Variants in UNC80 observed in about 807,000 individuals in gnomAD.
The protein encoded by UNC80 is unc-80 subunit of NALCN channel complex.
In UNC80, 164 loss-of-function variants were observed where a neutral mutation model predicts 384.6. The observed-to-expected ratio is 0.43, with a 90% CI of 0.38 to 0.49. The LOEUF is 0.49. UNC80 is among the 20% of genes least tolerant of loss of function. UNC80 has a pLI of 0.00. For synonymous variants in UNC80, 1,486 were observed against 1,527.8 expected (o/e 0.97, Z 0.64); for missense variants, 3,330 against 4,143.0 (o/e 0.80, Z 5.39).
At chr2:209,879,110 C>T (rs770215854) in intron 24 of UNC80, among the ~76,000 whole-genome samples, 23 of 151,766 alleles carry the variant, frequency 1.5e-4, no homozygotes, top group Non-Finnish European at 2.8e-4. Flanking sequence ...ATCTTCTTGA[C>T]GTAGCCATTG....
chr2:209,995,149 C>G (rs963511393), intron 64 of UNC80, among the ~76,000 whole-genome samples, 180 bp from the exon 65 acceptor site: 2 of 152,164 alleles, frequency 1.3e-5, no homozygotes, highest in Non-Finnish European at 1.5e-5. Context: ...GTTACATGTT[C>G]AAAAACTGAG....
At chr2:209,910,358 T>C (rs1015235009) in intron 29 of UNC80, among the ~76,000 whole-genome samples, 6 of 151,932 alleles carry the variant, frequency 3.9e-5, no homozygotes, top group East Asian at 2.0e-4. Flanking sequence ...AGAGGGACTT[T>C]AAGACCTTTA....
chr2:209,774,178 A>G (rs2076737838), intron 2 of UNC80, among the ~76,000 whole-genome samples: 1 of 152,236 alleles, frequency 6.6e-6, no homozygotes, highest in Admixed American at 6.5e-5. Flanking sequence ...CCAACTGGAA[A>G]GTTAAACACA....
chr2:209,819,195 A>G lies in UNC80; in HGVS notation c.1896A>G (p.Leu632=). 1 of 1,552,038 alleles carries G rather than the reference A, an allele frequency of 6.4e-7. No individual in the cohort carries two copies. ...ACTCCTGCATAAACTACAGCTACCT[A>G]GAGGACACAGAACATATTGACGGGA... ...LTDSCINYSY[L]EDTEHIDGTN... The change falls in exon 12 of 65, where the codon CTA becomes CTG. Residue 632 remains leucine (L), a synonymous_variant. Coordinates refer to ENST00000673920, the MANE Select transcript of UNC80 (RefSeq NM_001371986.1).
intron 58 of UNC80, 29 bp from the exon 59 acceptor site, chr2:209,978,500 C>T (rs1280319159): frequency 2.5e-5 from 37 of 1,489,564 alleles, no homozygotes; most frequent in Non-Finnish European, 3.4e-5. Flanking sequence ...TCTCACCATG[C>T]ATTTCCTTTG....
At chr2:209,948,846 T>G (rs1346893048) in intron 47 of UNC80, among the ~76,000 whole-genome samples, 2 of 152,172 alleles carry the variant, frequency 1.3e-5, no homozygotes, top group Non-Finnish European at 2.9e-5. Flanking sequence ...TATTACTCAT[T>G]AAGAAATTAA....
intron 31 of UNC80, among the ~76,000 whole-genome samples, chr2:209,916,451 CT>C (rs1268075700): frequency 2.6e-5 from 4 of 152,000 alleles, no homozygotes; most frequent in Non-Finnish European, 5.9e-5. Flanking sequence ...TACAAGAAAA[CT>C]TTTTCAGTAG....
Position 209,816,402 on chromosome 2 carries a change from T to C in UNC80, c.1336-507T>C, listed in dbSNP as rs75308459. ...CTTCTTTGACTCTTCTTACGAACAG[T>C]GGCGCACATTTAAAGTTGGCTAACT... On this transcript the variant is annotated intron_variant, in intron 9 of 64. Transcript: ENST00000673920. 1.2e-3 allele frequency among the ~76,000 whole-genome samples: 176 copies of C among 152,308 alleles called. No individual in the cohort carries two copies. In the East Asian group the frequency reaches 0.015, roughly 13 times the overall value.
intron 29 of UNC80, among the ~76,000 whole-genome samples, chr2:209,905,351 G>A (rs1209735398): frequency 1.3e-5 from 2 of 152,114 alleles, no homozygotes; most frequent in African/African-American, 4.8e-5. Flanking sequence ...TTTACAGTGG[G>A]CATCCAGCTG....
chr2:209,892,505 A>T lies in UNC80; in HGVS notation c.4277-1658A>T, dbSNP rs1379178741. Among the ~76,000 whole-genome samples, 3 of 152,142 alleles carry T rather than the reference A, an allele frequency of 2.0e-5. No homozygotes were observed. The East Asian group carries it at 5.8e-4, about 29-fold the overall frequency. ...AACTGTAATTTTTCAGTGCTATAGG[A>T]TATCTCCAACTATCCTTTTTGGTGG... On this transcript the variant is annotated intron_variant, in intron 26 of 64. Transcript: ENST00000673920.
rs769490955 is a variant in UNC80 at position 209,982,272 on chromosome 2, G to A, written c.9212G>A (p.Ser3071Asn). ...GRRRFSSHVS[S>N]MSVPQAEVGM... ...AGGCGATTCTCCAGCCATGTCTCCA[G>A]CATGTCTGTACCTCAGGCTGAGGTG... Residue 3071 changes from serine (S) to asparagine (N), a missense_variant, in exon 60 of 65, where the codon AGC becomes AAC. Transcript: ENST00000673920. 7.1e-6 allele frequency: 11 copies of A among 1,551,544 alleles called. No individual in the cohort carries two copies. Among genetic ancestry groups the A allele is most frequent in the Non-Finnish European group, 4.4e-6 (5 of 1,146,982 alleles).
Position 209,978,626 on chromosome 2 carries a change from C to T in UNC80, c.9036C>T (p.Gly3012=), listed in dbSNP as rs764264009. The change falls in exon 59 of 65, where the codon GGC becomes GGT. Residue 3012 remains glycine (G), a synonymous_variant. Transcript: ENST00000673920. The stretch of plus-strand genomic sequence containing the variant: ...TGTCCCGCTCTAACACGGGCACGGG[C>T]ACTGTCTGGGAGCAGGACAGTGAGC... ...ATMSRSNTGT[G]TVWEQDSEPS... 1.5e-5 allele frequency: 23 copies of T among 1,551,472 alleles called. No homozygotes were observed. Among genetic ancestry groups the T allele is most frequent in the Non-Finnish European group, 1.8e-5 (21 of 1,146,910 alleles).
chr2:209,825,944 T>C lies in UNC80; in HGVS notation c.2369T>C (p.Leu790Pro). 2 of 1,550,894 alleles carry C rather than the reference T, an allele frequency of 1.3e-6. No individual in the cohort carries two copies. The highest frequency in any genetic ancestry group is 1.7e-6 in the Non-Finnish European group (2 of 1,146,460). ...STPVSNHRLA[L>P]TMLIKIVKSL... ...CCTGTAAGCAACCATAGGCTTGCTC[T>C]AACAATGCTCATCAAAATAGTGAAG... The change falls in exon 14 of 65, where the codon CTA becomes CCA. Residue 790 changes from leucine to proline, a missense_variant. This residue lies in a region of UNC80 where 937 missense variants were observed against 1,026.8 expected (regional missense o/e 0.91). Coordinates refer to ENST00000673920, the MANE Select transcript of UNC80 (RefSeq NM_001371986.1).
chr2:209,778,007 A>G (rs2076960202), intron 4 of UNC80, among the ~76,000 whole-genome samples: 1 of 152,146 alleles, frequency 6.6e-6, no homozygotes, highest in African/African-American at 2.4e-5. Context: ...CTTTAATATC[A>G]TATTTAACAT....
chr2:209,891,151 T>A (rs563673174), intron 26 of UNC80, among the ~76,000 whole-genome samples: 2 of 152,290 alleles, frequency 1.3e-5, no homozygotes, highest in East Asian at 3.8e-4. Context: ...ACACACAATA[T>A]TTAAAAGGGA....
intron 14 of UNC80, 87 bp from the exon 15 acceptor site, chr2:209,829,145 C>A: frequency 6.7e-7 from 1 of 1,481,548 alleles, no homozygotes; most frequent in Non-Finnish European, 9.1e-7. Flanking sequence ...GAAACCCTTG[C>A]CTTCTGAAGG....
At chr2:209,788,168 G>C (rs1156580703) in intron 5 of UNC80, among the ~76,000 whole-genome samples, 6 of 152,168 alleles carry the variant, frequency 3.9e-5, no homozygotes, top group African/African-American at 1.4e-4. Flanking sequence ...TGTAATCCCA[G>C]CATTTTGGGA....
chr2:209,972,287 C>T lies in UNC80; in HGVS notation c.8343C>T (p.Leu2781=), dbSNP rs563369707. ...GGGAGGGGATGCTTTTAAATCTGCT[C>T]ATCCCATTTGTGCTCACAGTAGGAT... is the stretch of plus-strand genomic sequence containing the variant. ...ERREGMLLNL[L]IPFVLTVGSG... is the part of the protein sequence containing the mutation. Residue 2781 remains leucine (L), a synonymous_variant, in exon 55 of 65, where the codon CTC becomes CTT. Transcript: ENST00000673920. 5.0e-5 allele frequency: 77 copies of T among 1,551,798 alleles called. No individual in the cohort carries two copies. Among genetic ancestry groups the T allele is most frequent in the Middle Eastern group, 3.3e-4 (2 of 5,994 alleles).
At chr2:209,963,714 C>A (rs1374750951) in intron 51 of UNC80, among the ~76,000 whole-genome samples, 1 of 152,142 alleles carries the variant, frequency 6.6e-6, no homozygotes, top group Non-Finnish European at 1.5e-5. Context: ...AAAATGATTT[C>A]TTTAAAACAC....
Sources: gnomAD v4.1 joint callset for allele counts (sites outside exome capture counted in the v4.1 genomes callset) on GRCh38, gnomAD v4.1.1 for gene constraint, gnomAD v4.1.1 regional missense constraint, MANE v1.5 for transcripts, NCBI Gene and HGNC (gene_info 2026-07-23, HGNC 2026-07-21) for gene names.